The following FRRS1 variants were observed in gnomAD, a reference collection of about 807,000 sequenced individuals.
The protein encoded by FRRS1 is ferric chelate reductase 1, also known as ferric reductase 1.
A neutral mutation model predicts 70.7 loss-of-function variants in FRRS1; 51 were observed. The ratio of observed to expected loss-of-function variants is 0.72; its 90% CI spans 0.58 to 0.91. FRRS1 has a LOEUF of 0.91. Ranked by LOEUF, FRRS1 falls within the 40% of genes least tolerant of loss-of-function variation. FRRS1 has a pLI of 0.00. For missense variants in FRRS1, 672 were observed against 726.0 expected (o/e 0.93, Z 0.86); for synonymous variants, 225 against 238.7 (o/e 0.94, Z 0.53).
Position 99,725,737 on chromosome 1 carries a change from G to A in FRRS1, c.1006+2756C>T, listed in dbSNP as rs111739089. On this transcript the variant is annotated intron_variant, in intron 9 of 16. Coordinates refer to ENST00000646001, the MANE Select transcript of FRRS1 (RefSeq NM_001361041.2). ...ATCAACTAGGTGTTTCTGAGGGAGT[G>A]TTAGAACTATCACTTAAAAGAAAAC... 5.3e-3 allele frequency among the ~76,000 whole-genome samples: 810 copies of A among 152,270 alleles called. 10 individuals are homozygous for A. The highest frequency in any genetic ancestry group is 0.019 in the African/African-American group (769 of 41,552).
intron 7 of FRRS1, among the ~76,000 whole-genome samples, chr1:99,731,376 AT>A (rs1655373536): frequency 6.6e-6 from 1 of 152,220 alleles, no homozygotes; most frequent in Admixed American, 6.5e-5. Flanking sequence ...ATTCAACTTT[AT>A]TTTTAAATGT....
At chr1:99,762,362 A>C (rs377641475) in intron 1 of FRRS1, among the ~76,000 whole-genome samples, 2 of 152,210 alleles carry the variant, frequency 1.3e-5, no homozygotes, top group Non-Finnish European at 2.9e-5. Flanking sequence ...CAAATGTCAG[A>C]AATAGTCATT....
chr1:99,707,667 T>C lies in FRRS1; in HGVS notation c.*1361A>G, dbSNP rs958894930. On this transcript the variant is annotated 3_prime_UTR_variant, in exon 17 of 17. Transcript: ENST00000646001. ...TAAGGGAAATGCCATCCGGTAATGTTACCTAAATACTAGAAAGGAATCAGC... is the reference window on the plus strand; with the variant it reads ...TAAGGGAAATGCCATCCGGTAATGTCACCTAAATACTAGAAAGGAATCAGC... Among the ~76,000 whole-genome samples, 3 of 152,196 alleles carry C rather than the reference T, an allele frequency of 2.0e-5. No homozygotes were observed. Among genetic ancestry groups the C allele is most frequent in the Admixed American group, 2.0e-4 (3 of 15,276 alleles).
chr1:99,738,461 T>C (rs1387340257), intron 6 of FRRS1, among the ~76,000 whole-genome samples, 193 bp from the exon 7 acceptor site: 1 of 152,234 alleles, frequency 6.6e-6, no homozygotes, highest in Non-Finnish European at 1.5e-5. Flanking sequence ...AGTTAGGTTA[T>C]GAACTTTTAA....
chr1:99,749,948 A>G (rs1656487845), intron 1 of FRRS1, among the ~76,000 whole-genome samples: 1 of 152,226 alleles, frequency 6.6e-6, no homozygotes, highest in African/African-American at 2.4e-5. Context: ...GCAGTTTATT[A>G]TTTATAGAAA....
chr1:99,736,041 T>C (rs1471050312), intron 7 of FRRS1, among the ~76,000 whole-genome samples: 1 of 152,228 alleles, frequency 6.6e-6, no homozygotes, highest in African/African-American at 2.4e-5. Flanking sequence ...TTAATCCTTT[T>C]TGGACTCATT....
At chr1:99,737,521 G>C (rs1655731335) in intron 7 of FRRS1, among the ~76,000 whole-genome samples, 1 of 152,200 alleles carries the variant, frequency 6.6e-6, no homozygotes, top group Admixed American at 6.5e-5. Context: ...TTATCGCAAA[G>C]AGACAGACAG....
chr1:99,761,705 A>T (rs922588318), intron 1 of FRRS1, among the ~76,000 whole-genome samples: 1 of 152,146 alleles, frequency 6.6e-6, no homozygotes, highest in Non-Finnish European at 1.5e-5. Context: ...TACATGTATG[A>T]ATGCTAATCC....
Position 99,704,767 on chromosome 1 carries a change from C to G in FRRS1, c.*4261G>C, listed in dbSNP as rs1384210987. Among the ~76,000 whole-genome samples the G allele has an allele frequency of 6.6e-6, 1 of 152,132 alleles. No individual in the cohort carries two copies. The highest frequency in any genetic ancestry group is 1.5e-5 in the Non-Finnish European group (1 of 68,020). On this transcript the variant is annotated 3_prime_UTR_variant, in exon 17 of 17. Transcript: ENST00000646001. ...GCCAGAGGAAGAGCACACGACAGAT[C>G]CCAGCATGCCGACAGGCCACGACTG...
In FRRS1 at chr1:99,708,553, G is replaced by A. The variant is rs1379036087; in HGVS notation, c.*475C>T. The A allele has an allele frequency of 8.5e-6, 1 of 117,954 alleles. No homozygotes were observed. Among genetic ancestry groups the A allele is most frequent in the Non-Finnish European group, 1.6e-5 (1 of 61,542 alleles). The allele number at this position is 117,954 out of a possible 1,614,324, so 7.3% of individuals were successfully genotyped here. A position where few individuals can be genotyped will look rare whatever the true frequency, so the allele number is the denominator to read the frequency against. On this transcript the variant is annotated 3_prime_UTR_variant, in exon 17 of 17. Coordinates refer to ENST00000646001, the MANE Select transcript of FRRS1 (RefSeq NM_001361041.2). ...GCAGAGCTTGCAGTGAGCCGAGATTGCACCACTGCACTCCAGCCTGGGCGA... is the reference window on the plus strand; with the variant it reads ...GCAGAGCTTGCAGTGAGCCGAGATTACACCACTGCACTCCAGCCTGGGCGA...
At chr1:99,757,948 AG>A (rs769073346) in intron 1 of FRRS1, among the ~76,000 whole-genome samples, 5,688 of 68,670 alleles carry the variant, frequency 0.083, 354 homozygotes, top group African/African-American at 0.34. Context: ...AATGCCTGGG[AG>A]GAAAAAAAAA....
At chr1:99,756,958 T>G (rs1656866532) in intron 1 of FRRS1, among the ~76,000 whole-genome samples, 1 of 152,172 alleles carries the variant, frequency 6.6e-6, no homozygotes, top group African/African-American at 2.4e-5. Flanking sequence ...CCGAGAGTCT[T>G]AATTAATGCA....
At chr1:99,741,062 A>C in intron 5 of FRRS1, 122 bp from the exon 6 acceptor site, 1 of 911,124 alleles carries the variant, frequency 1.1e-6, no homozygotes, top group South Asian at 1.7e-5. Flanking sequence ...ACCTAACAGG[A>C]CTATTAATTT....
intron 7 of FRRS1, among the ~76,000 whole-genome samples, chr1:99,736,448 A>G (rs1366465820): frequency 6.6e-6 from 1 of 152,140 alleles, no homozygotes; most frequent in Non-Finnish European, 1.5e-5. Flanking sequence ...AGAGGTGTCT[A>G]GTGAAATATG....
intron 7 of FRRS1, among the ~76,000 whole-genome samples, chr1:99,730,861 A>C (rs1335135887): frequency 7.6e-5 from 9 of 118,228 alleles, no homozygotes; most frequent in Admixed American, 2.7e-4. Context: ...AGCGAAACTC[A>C]GTCTCAAAAA....
intron 9 of FRRS1, among the ~76,000 whole-genome samples, chr1:99,721,355 C>G (rs1654812362): frequency 1.4e-5 from 2 of 147,466 alleles, no homozygotes; most frequent in South Asian, 2.2e-4. Flanking sequence ...CCACTGCACT[C>G]TAGACTGCGA....
chr1:99,708,933 C>A lies in FRRS1; in HGVS notation c.*95G>T. 1.2e-6 allele frequency: 2 copies of A among 1,613,788 alleles called. No homozygotes were observed. Among genetic ancestry groups the A allele is most frequent in the South Asian group, 2.2e-5 (2 of 91,068 alleles). On this transcript the variant is annotated 3_prime_UTR_variant, in exon 17 of 17. Transcript: ENST00000646001. ...GACCCCAGTCTTCCAAGTGAGAATT[C>A]ACAAATATGCTCCAGGCAGTCAGGA...
At chr1:99,715,694 TA>T in intron 11 of FRRS1, 22 bp from the exon 12 acceptor site, 1 of 1,539,828 alleles carries the variant, frequency 6.5e-7, no homozygotes. Flanking sequence ...AATGACAAAT[TA>T]AGAAGACACT....
chr1:99,747,443 C>CA lies in FRRS1; in HGVS notation c.197-14dup. 3.1e-6 allele frequency: 5 copies of CA among 1,602,506 alleles called. No individual in the cohort carries two copies. The South Asian group carries it at 4.5e-5, about 14-fold the overall frequency. On this transcript the variant is annotated splice_polypyrimidine_tract_variant and intron_variant, in intron 3 of 16. Coordinates refer to ENST00000646001, the MANE Select transcript of FRRS1 (RefSeq NM_001361041.2). ...CCTGACAAAGTAACTGAGAAAAAGA[C>CA]AAAAGGGTTGGTTAAAAAGCTTAGT...
Sources: allele counts gnomAD v4.1 joint callset (sites outside exome capture counted in the v4.1 genomes callset), GRCh38; gene constraint gnomAD v4.1.1; transcripts MANE v1.5; gene names NCBI Gene and HGNC (gene_info 2026-07-23, HGNC 2026-07-21).